PCDH15: variants seen among roughly 807,000 people sequenced by gnomAD.
PCDH15 encodes the protein protocadherin related 15.
Under a neutral mutation model 178.5 loss-of-function variants are expected in PCDH15, and 129 were observed. The ratio of observed to expected loss-of-function variants is 0.72; its 90% CI spans 0.63 to 0.84. PCDH15 has a LOEUF of 0.84. Ranked by LOEUF, PCDH15 falls within the 40% of genes least tolerant of loss-of-function variation. PCDH15 has a pLI of 0.00. For synonymous variants in PCDH15, 800 were observed against 732.0 expected (o/e 1.09, Z -1.50); for missense variants, 2,230 against 2,099.9 (o/e 1.06, Z -1.21).
intron 27 of PCDH15, among the ~76,000 whole-genome samples, chr10:53,862,402 T>C (rs1339898104): frequency 2.0e-5 from 3 of 152,220 alleles, no homozygotes; most frequent in Non-Finnish European, 2.9e-5. Context: ...ACATCCTGCA[T>C]TGGCCACTTG....
At chr10:55,085,125 C>G (rs140736732) in intron 2 of PCDH15, among the ~76,000 whole-genome samples, 1 of 152,104 alleles carries the variant, frequency 6.6e-6, no homozygotes, top group African/African-American at 2.4e-5. Context: ...TATCTGTACT[C>G]CCATGATTAT....
chr10:54,738,364 T>C (rs1206506685), intron 1 of PCDH15, among the ~76,000 whole-genome samples: 1 of 152,088 alleles, frequency 6.6e-6, no homozygotes, highest in Non-Finnish European at 1.5e-5. Flanking sequence ...ATAATTTCTG[T>C]AAGGTAACAA....
intron 3 of PCDH15, among the ~76,000 whole-genome samples, chr10:54,518,413 T>C (rs1341988789): frequency 1.4e-4 from 21 of 151,868 alleles, no homozygotes; most frequent in Admixed American, 6.6e-5. Flanking sequence ...CAAACTACCA[T>C]CAGAGAATAC....
chr10:54,896,221 C>G (rs781640381), intron 3 of PCDH15, among the ~76,000 whole-genome samples: 4 of 152,056 alleles, frequency 2.6e-5, no homozygotes, highest in Non-Finnish European at 4.4e-5. Context: ...AACATAAATG[C>G]AAATCAGTTA....
At chr10:53,900,752 G>A (rs1379082409) in intron 26 of PCDH15, among the ~76,000 whole-genome samples, 1 of 152,064 alleles carries the variant, frequency 6.6e-6, no homozygotes, top group Non-Finnish European at 1.5e-5. Flanking sequence ...CAGAGCCCAG[G>A]AGTACAGGGC....
chr10:54,208,719 C>CTG (rs372416361), intron 10 of PCDH15, among the ~76,000 whole-genome samples: 7 of 151,542 alleles, frequency 4.6e-5, no homozygotes, highest in Non-Finnish European at 3.0e-5. Flanking sequence ...TAGTACGTGT[C>CTG]TGTGTGTGTG....
intron 27 of PCDH15, among the ~76,000 whole-genome samples, chr10:53,864,857 C>T (rs1484768184): frequency 1.3e-5 from 2 of 152,024 alleles, no homozygotes; most frequent in African/African-American, 2.4e-5. Flanking sequence ...TCCTTTGTTT[C>T]GTTCCTGTGT....
intron 8 of PCDH15, among the ~76,000 whole-genome samples, chr10:54,299,084 G>A (rs1036556554): frequency 6.6e-6 from 1 of 152,208 alleles, no homozygotes; most frequent in African/African-American, 2.4e-5. Flanking sequence ...AAAAGGGGAA[G>A]GAGAGGGGAG....
chr10:55,344,582 C>G (rs922007788), intron 2 of PCDH15, among the ~76,000 whole-genome samples: 1 of 151,952 alleles, frequency 6.6e-6, no homozygotes, highest in Non-Finnish European at 1.5e-5. Flanking sequence ...TTGGTCCACG[C>G]AACTAGTAGG....
intron 2 of PCDH15, among the ~76,000 whole-genome samples, chr10:55,470,451 C>A (rs556344596): frequency 2.0e-5 from 3 of 151,816 alleles, no homozygotes; most frequent in African/African-American, 7.2e-5. Context: ...TAAATTCTTC[C>A]TTCTATTTAT....
chr10:54,491,831 T>TC (rs2079623057), intron 3 of PCDH15, among the ~76,000 whole-genome samples: 1 of 152,118 alleles, frequency 6.6e-6, no homozygotes, highest in African/African-American at 2.4e-5. Flanking sequence ...GGTAAAAGTT[T>TC]CCCTATTTGC....
chr10:54,678,610 G>A (rs920953249), intron 1 of PCDH15, among the ~76,000 whole-genome samples: 10 of 152,054 alleles, frequency 6.6e-5, no homozygotes, highest in Admixed American at 1.3e-4. Context: ...AACGTTCCCT[G>A]TAGATGTTTT....
In PCDH15 at chr10:54,945,834, T is replaced by C. The variant is rs114138094; in HGVS notation, c.-79-48334A>G. Among the ~76,000 whole-genome samples the C allele has an allele frequency of 7.2e-3, 1,092 of 151,926 alleles. 7 individuals are homozygous for C. Among genetic ancestry groups the C allele is most frequent in the African/African-American group, 0.025 (1,042 of 41,500 alleles). On this transcript the variant is annotated intron_variant, in intron 2 of 5. Transcript: ENST00000458638. ...CAAGTATTGGGATCTGCAGATTTAT[T>C]TTAAAGACTGGGTGAGTCTATATTC...
At chr10:55,024,664 T>C (rs1840430688) in intron 2 of PCDH15, among the ~76,000 whole-genome samples, 1 of 152,094 alleles carries the variant, frequency 6.6e-6, no homozygotes, top group East Asian at 1.9e-4. Context: ...TATTATTTAT[T>C]TGGTCAACTG....
At position 55,412,921 on chromosome 10, in the gene PCDH15, G is replaced by A. The variant is rs566469109; in HGVS notation, c.-156+214704C>T. ...CACACACACACACACACACACACAC[G>A]GCAAATTGAACTGCAACTGTGTCTG... On this transcript the variant is annotated intron_variant, in intron 2 of 5. Coordinates refer to the PCDH15 transcript ENST00000613346. Among the ~76,000 whole-genome samples, 39 of 124,328 alleles carry A rather than the reference G, an allele frequency of 3.1e-4. 1 individual carries two copies. The East Asian group carries it at 8.8e-3, about 28-fold the overall frequency. 81.6% of individuals were successfully genotyped at this position (124,328 alleles called of 152,430 possible). A position where few individuals can be genotyped will look rare whatever the true frequency, so the allele number is the denominator to read the frequency against.
At chr10:54,020,447 T>A in intron 19 of PCDH15, 31 bp from the exon 20 acceptor site, 1 of 1,594,654 alleles carries the variant, frequency 6.3e-7, no homozygotes. Flanking sequence ...GTTTTATTAG[T>A]GACGTTACCA....
chr10:55,560,499 G>C (rs1365266922), intron 2 of PCDH15, among the ~76,000 whole-genome samples: 1 of 151,846 alleles, frequency 6.6e-6, no homozygotes, highest in East Asian at 1.9e-4. Context: ...AACATACTGA[G>C]AAATTCTGAC....
intron 2 of PCDH15, among the ~76,000 whole-genome samples, chr10:54,529,423 A>G (rs1199334012): frequency 1.3e-5 from 2 of 152,108 alleles, no homozygotes; most frequent in Non-Finnish European, 2.9e-5. Context: ...CTTTCATGAG[A>G]ATGATTTTCA....
Position 53,827,553 on chromosome 10 carries a change from G to C in PCDH15, c.4212-5C>G, listed in dbSNP as rs1463961455. 13 of 1,614,002 alleles carry C rather than the reference G, an allele frequency of 8.1e-6. No homozygotes were observed. Among genetic ancestry groups the C allele is most frequent in the Non-Finnish European group, 1.0e-5 (12 of 1,179,970 alleles). ...TTTGTACACTCAGCTTGACGTCTTG[G>C]ATAAAGTAAGGATGGCTTGTAAAAC... is the stretch of plus-strand genomic sequence containing the variant. On this transcript the variant is annotated splice_region_variant and splice_polypyrimidine_tract_variant and intron_variant, in intron 31 of 37. Coordinates refer to ENST00000644397, the MANE Select transcript of PCDH15 (RefSeq NM_001384140.1).
Sources: gnomAD v4.1 joint callset for allele counts (sites outside exome capture counted in the v4.1 genomes callset) on GRCh38, gnomAD v4.1.1 for gene constraint, MANE v1.5 for transcripts, NCBI Gene and HGNC (gene_info 2026-07-23, HGNC 2026-07-21) for gene names.